Variants in CR1L observed in about 807,000 individuals in gnomAD.
CR1L encodes the protein complement C3b/C4b receptor 1 like, also known as complement component receptor 1-like protein.
A neutral mutation model predicts 62.3 loss-of-function variants in CR1L; 59 were observed. The observed-to-expected ratio is 0.95, with a 90% CI of 0.77 to 1.18. The LOEUF (loss-of-function observed/expected upper bound fraction) is 1.18. Among genes scored for constraint, CR1L ranks in the 50% most tolerant of loss-of-function variants. The pLI is 0.00. For synonymous variants in CR1L, 279 were observed against 248.7 expected, an observed-to-expected ratio of 1.12 and a Z score of -1.15; for missense variants, 700 against 702.8, an observed-to-expected ratio of 1.00 and a Z score of 0.04.
At chr1:207,703,025 C>T (rs530956703) in intron 9 of CR1L, among the ~76,000 whole-genome samples, 7 of 152,118 alleles carry the variant, frequency 4.6e-5, no homozygotes, top group Non-Finnish European at 1.0e-4. Context: ...CAGAAGTTGC[C>T]GAGATTGTGC....
chr1:207,691,858 A>T (rs1312250567), intron 4 of CR1L, among the ~76,000 whole-genome samples: 2 of 152,226 alleles, frequency 1.3e-5, no homozygotes, highest in Non-Finnish European at 2.9e-5. Flanking sequence ...TAAATTTAAA[A>T]GAGTTTAATT....
intron 1 of CR1L, among the ~76,000 whole-genome samples, chr1:207,661,042 G>T (rs922193522): frequency 5.9e-5 from 9 of 152,180 alleles, no homozygotes; most frequent in African/African-American, 2.2e-4. Context: ...TTTTACATTT[G>T]CTGTGGAGCG....
intron 10 of CR1L, among the ~76,000 whole-genome samples, chr1:207,714,088 C>A (rs773073173): frequency 5.3e-5 from 8 of 152,168 alleles, no homozygotes; most frequent in Non-Finnish European, 1.2e-4. Flanking sequence ...CTTATGCTGA[C>A]AATAGAAGGG....
rs1294682770 is a variant in CR1L, at chr1:207,716,505, C to G, written c.1415-959C>G. ...AAAGCAAGGCATGATTTTTTTAAACCTTTTTTTTCTTATTGGAAAATGTTT... is the reference window on the plus strand; with the variant it reads ...AAAGCAAGGCATGATTTTTTTAAACGTTTTTTTTCTTATTGGAAAATGTTT... On this transcript the variant is annotated intron_variant, in intron 10 of 11. Transcript: ENST00000508064. Among the ~76,000 whole-genome samples the G allele has an allele frequency of 3.3e-5, 5 of 151,736 alleles. No individual in the cohort carries two copies. The South Asian group carries it at 6.3e-4, about 19-fold the overall frequency.
Position 207,676,307 on chromosome 1 carries a change from A to T in CR1L, c.98-1082A>T, listed in dbSNP as rs1238916488. On this transcript the variant is annotated intron_variant, in intron 1 of 11. Coordinates refer to ENST00000508064, the MANE Select transcript of CR1L (RefSeq NM_175710.2). ...GCATGTTTTAAAGCAGGTGTCCTCA[A>T]CCCCTGGGGCATAAACCGGTACTGT... Among the ~76,000 whole-genome samples, 3 of 152,224 alleles carry T rather than the reference A, an allele frequency of 2.0e-5. No homozygotes were observed. In the East Asian group the frequency reaches 5.8e-4, roughly 29 times the overall value.
intron 1 of CR1L, among the ~76,000 whole-genome samples, chr1:207,654,760 G>A (rs1571642671): frequency 6.6e-6 from 1 of 152,310 alleles, no homozygotes. Flanking sequence ...CTGAGTGAGA[G>A]GAACTTTAAG....
chr1:207,664,265 T>G (rs944162140), intron 1 of CR1L, among the ~76,000 whole-genome samples: 18 of 152,250 alleles, frequency 1.2e-4, no homozygotes, highest in African/African-American at 4.3e-4. Flanking sequence ...TTAATTAACA[T>G]CATTTCTGTG....
chr1:207,721,105 G>C (rs996211480), intron 11 of CR1L, among the ~76,000 whole-genome samples: 1 of 152,106 alleles, frequency 6.6e-6, no homozygotes, highest in East Asian at 1.9e-4. Flanking sequence ...TTAGAGAAAG[G>C]GTGTAAATAT....
chr1:207,687,029 C>T (rs1249395676), intron 4 of CR1L, among the ~76,000 whole-genome samples: 1 of 152,196 alleles, frequency 6.6e-6, no homozygotes, highest in African/African-American at 2.4e-5. Flanking sequence ...TTTGTTATAA[C>T]AGCCCAAATA....
chr1:207,666,177 A>G (rs1156469306), intron 1 of CR1L, among the ~76,000 whole-genome samples: 2 of 152,202 alleles, frequency 1.3e-5, no homozygotes, highest in African/African-American at 4.8e-5. Flanking sequence ...TTCCAACTCC[A>G]GCACTGGAAA....
chr1:207,648,316 G>A (rs1663168323), intron 1 of CR1L, among the ~76,000 whole-genome samples: 4 of 151,932 alleles, frequency 2.6e-5, no homozygotes, highest in Admixed American at 2.0e-4. Flanking sequence ...GGTGCAACAT[G>A]GAAGATAACA....
rs185334613 is a variant in CR1L, at chr1:207,655,164, C to G, written c.97+9834C>G. On this transcript the variant is annotated intron_variant, in intron 1 of 11. Transcript: ENST00000508064. ...GTGTCTTATTAATTGCTATACAAAA[C>G]AGTAACCCTTTCTTTTCCCATTTAG... 325 of 542,828 alleles carry G rather than the reference C, an allele frequency of 6.0e-4. 3 individuals carry two copies. Among genetic ancestry groups the G allele is most frequent in the African/African-American group, 5.8e-3 (303 of 51,864 alleles). The allele number at this position is 542,828 out of a possible 1,614,324, so 33.6% of individuals were successfully genotyped here. A position where few individuals can be genotyped will look rare whatever the true frequency, so the allele number is the denominator to read the frequency against.
At chr1:207,691,363 C>T (rs1663994574) in intron 4 of CR1L, among the ~76,000 whole-genome samples, 1 of 151,604 alleles carries the variant, frequency 6.6e-6, no homozygotes, top group Non-Finnish European at 1.5e-5. Context: ...ACTTTCAGCC[C>T]TTCTTTGTCT....
chr1:207,715,548 A>C (rs1368855001), intron 10 of CR1L, among the ~76,000 whole-genome samples: 1 of 152,216 alleles, frequency 6.6e-6, no homozygotes, highest in East Asian at 1.9e-4. Flanking sequence ...AGGGTCTTGT[A>C]GGACTTTTCT....
intron 11 of CR1L, among the ~76,000 whole-genome samples, chr1:207,719,610 T>C (rs977776047): frequency 6.6e-6 from 1 of 151,970 alleles, no homozygotes; most frequent in African/African-American, 2.4e-5. Flanking sequence ...AGTCACAGCT[T>C]CTTGAGAGGC....
chr1:207,682,174 T>A (rs1663810374), intron 3 of CR1L, among the ~76,000 whole-genome samples: 1 of 152,146 alleles, frequency 6.6e-6, no homozygotes, highest in South Asian at 2.1e-4. Flanking sequence ...TAATTAATTT[T>A]AAAAAACAAA....
intron 8 of CR1L, among the ~76,000 whole-genome samples, chr1:207,700,930 GA>G (rs1664180145): frequency 6.6e-6 from 1 of 152,168 alleles, no homozygotes; most frequent in South Asian, 2.1e-4. Context: ...ACTTGCACTG[GA>G]TCTTTCCCAT....
chr1:207,673,291 C>A (rs1241215300), intron 1 of CR1L, among the ~76,000 whole-genome samples: 1 of 150,118 alleles, frequency 6.7e-6, no homozygotes, highest in Non-Finnish European at 1.5e-5. Flanking sequence ...TTTTACATTT[C>A]AAAAATTTAT....
chr1:207,675,589 G>A (rs1324246270), intron 1 of CR1L, among the ~76,000 whole-genome samples: 1 of 152,160 alleles, frequency 6.6e-6, no homozygotes, highest in East Asian at 1.9e-4. Flanking sequence ...ACATAGACAA[G>A]GGCATCTTTG....
Sources: gnomAD v4.1 joint callset for allele counts (sites outside exome capture counted in the v4.1 genomes callset) on GRCh38, gnomAD v4.1.1 for gene constraint, MANE v1.5 for transcripts, NCBI Gene and HGNC (gene_info 2026-07-23, HGNC 2026-07-21) for gene names.